Variants in CTNNA3 observed in about 807,000 individuals in gnomAD.
CTNNA3 encodes catenin alpha-3.
In CTNNA3, 76 loss-of-function variants were observed where a neutral mutation model predicts 95.7. The observed-to-expected ratio is 0.79, with a 90% confidence interval of 0.66 to 0.96. The LOEUF is 0.96. CTNNA3 is among the 40% of genes least tolerant of loss of function. The probability of loss-of-function intolerance (pLI) is 0.00; values close to 1 mark genes in which losing one functional copy is unlikely to be tolerated. For synonymous variants in CTNNA3, 431 were observed against 374.4 expected (o/e 1.15, Z -1.74); for missense variants, 1,191 against 1,089.8 (o/e 1.09, Z -1.31).
intron 11 of CTNNA3, among the ~76,000 whole-genome samples, chr10:66,419,698 C>A: frequency 6.6e-6 from 1 of 152,046 alleles, no homozygotes. Context: ...GACACATACC[C>A]AAATGGAACA....
At chr10:66,685,405 C>A (rs1194680771) in intron 9 of CTNNA3, among the ~76,000 whole-genome samples, 1 of 103,478 alleles carries the variant, frequency 9.7e-6, no homozygotes, top group African/African-American at 4.1e-5. Flanking sequence ...TGGAGTCTCG[C>A]TCTTTCGCCC....
At chr10:66,938,463 T>C (rs1490432392) in intron 7 of CTNNA3, among the ~76,000 whole-genome samples, 2 of 152,050 alleles carry the variant, frequency 1.3e-5, no homozygotes, top group Non-Finnish European at 2.9e-5. Context: ...ATTAAGAAAA[T>C]CATAAGGAAA....
At chr10:66,237,627 G>C (rs973855144) in intron 13 of CTNNA3, among the ~76,000 whole-genome samples, 10 of 151,746 alleles carry the variant, frequency 6.6e-5, no homozygotes, top group African/African-American at 2.4e-4. Flanking sequence ...CTACAATAGT[G>C]GTGATTCAGA....
chr10:66,806,869 C>A (rs1347817394), intron 7 of CTNNA3, among the ~76,000 whole-genome samples: 1 of 151,094 alleles, frequency 6.6e-6, no homozygotes, highest in African/African-American at 2.4e-5. Flanking sequence ...TTTGTACAAT[C>A]ATAGCTTCTT....
intron 10 of CTNNA3, among the ~76,000 whole-genome samples, chr10:66,529,444 T>TTTG (rs373097103): frequency 0.4 from 38,626 of 96,412 alleles, 5,574 homozygotes; most frequent in Middle Eastern, 0.58. Flanking sequence ...ACAGTGTTTT[T>TTTG]TTTTTGTTTT....
chr10:67,082,573 A>G (rs762356135), intron 7 of CTNNA3, among the ~76,000 whole-genome samples: 1 of 152,174 alleles, frequency 6.6e-6, no homozygotes, highest in African/African-American at 2.4e-5. Flanking sequence ...CAATTACTTC[A>G]CAAGCCTCCT....
intron 7 of CTNNA3, chr10:66,926,974 C>T: frequency 6.2e-7 from 1 of 1,613,958 alleles, no homozygotes; most frequent in Non-Finnish European, 8.5e-7. Flanking sequence ...GGTTATAGCC[C>T]CCACTGTCTT....
chr10:66,987,083 G>C (rs549146971), intron 7 of CTNNA3, among the ~76,000 whole-genome samples: 1 of 152,176 alleles, frequency 6.6e-6, no homozygotes, highest in Non-Finnish European at 1.5e-5. Context: ...AAGTCCCGAC[G>C]TGAAGTCCTT....
At chr10:67,479,314 A>T (rs1000269188) in intron 5 of CTNNA3, among the ~76,000 whole-genome samples, 1 of 152,188 alleles carries the variant, frequency 6.6e-6, no homozygotes, top group Admixed American at 6.5e-5. Flanking sequence ...TTTCACCTGT[A>T]CATGGAACAT....
At chr10:66,178,072 T>A (rs1016575183) in intron 13 of CTNNA3, among the ~76,000 whole-genome samples, 3 of 151,766 alleles carry the variant, frequency 2.0e-5, no homozygotes, top group African/African-American at 7.2e-5. Context: ...AATGCAAAGA[T>A]CCTACAATTT....
chr10:67,328,153 G>C (rs1841625059), intron 5 of CTNNA3, among the ~76,000 whole-genome samples: 1 of 152,182 alleles, frequency 6.6e-6, no homozygotes, highest in African/African-American at 2.4e-5. Context: ...GCAAAGCAAT[G>C]TGGGGAGTTG....
At chr10:65,976,731 T>C (rs1589204251) in intron 16 of CTNNA3, among the ~76,000 whole-genome samples, 2 of 152,328 alleles carry the variant, frequency 1.3e-5, no homozygotes, top group Admixed American at 6.5e-5. Context: ...GCCTCATTCC[T>C]ACTTTAAGAA....
At chr10:67,222,653 G>A (rs1432224422) in intron 5 of CTNNA3, among the ~76,000 whole-genome samples, 3 of 152,156 alleles carry the variant, frequency 2.0e-5, no homozygotes. Context: ...AGGATAAATA[G>A]TTTAATGTTT....
At chr10:67,593,641 G>A (rs1398371203) in intron 3 of CTNNA3, among the ~76,000 whole-genome samples, 1 of 152,052 alleles carries the variant, frequency 6.6e-6, no homozygotes, top group Non-Finnish European at 1.5e-5. Context: ...TGTTTATCAG[G>A]TCTAGGAGCC....
chr10:66,733,546 AT>A (rs551751396), intron 9 of CTNNA3, among the ~76,000 whole-genome samples: 3 of 151,708 alleles, frequency 2.0e-5, no homozygotes, highest in African/African-American at 4.8e-5. Context: ...ATATGTATAT[AT>A]TTTTTATTTG....
intron 7 of CTNNA3, among the ~76,000 whole-genome samples, chr10:67,079,307 G>A (rs1043927926): frequency 6.6e-6 from 1 of 152,176 alleles, no homozygotes; most frequent in African/African-American, 2.4e-5. Context: ...TCATGGCCAT[G>A]TAAGCCATGG....
In CTNNA3 at chr10:66,487,181, A is replaced by ATTTTTT. The variant is rs60547696; in HGVS notation, c.1531+33430_1531+33435dup. Among the ~76,000 whole-genome samples, 45 of 45,986 alleles carry ATTTTTT rather than the reference A, an allele frequency of 9.8e-4. 5 individuals carry two copies. The highest frequency in any genetic ancestry group is 3.6e-3 in the African/African-American group (40 of 11,114). 30.2% of individuals were successfully genotyped at this position (45,986 alleles called of 152,430 possible). A position where few individuals can be genotyped will look rare whatever the true frequency, so the allele number is the denominator to read the frequency against. On this transcript the variant is annotated intron_variant, in intron 11 of 17. Coordinates refer to ENST00000433211, the MANE Select transcript of CTNNA3 (RefSeq NM_013266.4). ...TACTTGAAATTTAATAAAAGGGCAG[A>ATTTTTT]TTTTTTTTTTTTTTTTTTTTTTTTT...
Position 66,927,839 on chromosome 10 carries a change from G to A in CTNNA3, c.1048-152315C>T. ...TCTTGGATATCCCTCAATGACATCA[G>A]TCTTGCTGGGAATATATGGGAATGC... On this transcript the variant is annotated intron_variant, in intron 7 of 17. Coordinates refer to ENST00000433211, the MANE Select transcript of CTNNA3 (RefSeq NM_013266.4). The surrounding 1 kb of genome is among the most constrained non-coding windows in gnomAD (Gnocchi z 4.7). The A allele has an allele frequency of 6.2e-7, 1 of 1,614,192 alleles. No individual in the cohort carries two copies. Among genetic ancestry groups the A allele is most frequent in the Non-Finnish European group, 8.5e-7 (1 of 1,180,040 alleles).
intron 13 of CTNNA3, among the ~76,000 whole-genome samples, chr10:66,199,941 C>A (rs544356090): frequency 1.4e-5 from 2 of 147,306 alleles, no homozygotes; most frequent in South Asian, 4.2e-4. Flanking sequence ...TGTGAGCCAC[C>A]GCGCCCAGCC....
Sources: allele counts gnomAD v4.1 joint callset (sites outside exome capture counted in the v4.1 genomes callset), GRCh38; gene constraint gnomAD v4.1.1; non-coding constraint Gnocchi (gnomAD v3.1); transcripts MANE v1.5; gene names NCBI Gene and HGNC (gene_info 2026-07-23, HGNC 2026-07-21).